Variants in GRID2IP observed in about 807,000 individuals in gnomAD.
GRID2IP encodes delphilin.
Under a neutral mutation model 114.3 loss-of-function variants are expected in GRID2IP, and 78 were observed. That is an observed-to-expected ratio of 0.68 (90% CI 0.57 to 0.82). The LOEUF is 0.82. Ranked by LOEUF, GRID2IP falls within the 40% of genes least tolerant of loss-of-function variation. GRID2IP has a pLI of 0.00. For synonymous variants in GRID2IP, 809 were observed against 724.0 expected (o/e 1.12, Z -1.89); for missense variants, 1,727 against 1,678.5 (o/e 1.03, Z -0.51).
chr7:6,505,915 G>A lies in GRID2IP; in HGVS notation c.2545-8C>T, dbSNP rs1786569180. On this transcript the variant is annotated splice_region_variant and splice_polypyrimidine_tract_variant and intron_variant, in intron 13 of 21. Transcript: ENST00000457091. ...GTCAGAGTCTTCCCCGAGCTGCGAG[G>A]GAGGATGGGAGGTTCAGAGTAGGAG... is the stretch of plus-strand genomic sequence containing the variant. 3 of 1,541,266 alleles carry A rather than the reference G, an allele frequency of 1.9e-6. No homozygotes were observed. The highest frequency in any genetic ancestry group is 4.9e-5 in the East Asian group (2 of 40,858).
chr7:6,544,887 C>T (rs1205964240), intron 1 of GRID2IP, among the ~76,000 whole-genome samples: 1 of 151,808 alleles, frequency 6.6e-6, no homozygotes, highest in African/African-American at 2.4e-5. Context: ...CGAGACCATC[C>T]CAACTGACAC....
In GRID2IP at chr7:6,514,478, G is replaced by C; in HGVS notation, c.1320C>G (p.Ala440=). 1 of 1,549,282 alleles carries C rather than the reference G, an allele frequency of 6.5e-7. No individual in the cohort carries two copies. The highest frequency in any genetic ancestry group is 8.7e-7 in the Non-Finnish European group (1 of 1,146,046). The change falls in exon 8 of 22, where the codon GCC becomes GCG. Residue 440 remains alanine (A), a synonymous_variant. Transcript: ENST00000457091. The stretch of plus-strand genomic sequence containing the variant: ...AGATGAACTGCCACAGGACCTGCTT[G>C]GCAGGGGTGTCCAGCACAGGGTAGA... ...VDVYPVLDTP[A]KQVLWQFIYQ... is the part of the protein sequence containing the mutation.
chr7:6,511,095 C>A, intron 8 of GRID2IP, 56 bp from the exon 9 acceptor site: 2 of 1,337,672 alleles, frequency 1.5e-6, no homozygotes, highest in Non-Finnish European at 9.6e-7. Flanking sequence ...AGACAAGGGA[C>A]CTCCAAAACA....
intron 2 of GRID2IP, among the ~76,000 whole-genome samples, chr7:6,529,861 C>T (rs1024052536): frequency 6.6e-6 from 1 of 152,108 alleles, no homozygotes; most frequent in African/African-American, 2.4e-5. Flanking sequence ...CAGTTCTGTT[C>T]TCTCTGCCAG....
intron 1 of GRID2IP, 87 bp from the exon 2 acceptor site, chr7:6,539,959 T>G (rs1779787601): frequency 1.6e-6 from 2 of 1,287,186 alleles, no homozygotes; most frequent in Admixed American, 4.4e-5. Context: ...CCTCCCTCAG[T>G]TTACCTACAC....
At chr7:6,514,343 G>A (rs1432651376) in intron 8 of GRID2IP, 32 bp downstream of exon 8, 5 of 1,467,186 alleles carry the variant, frequency 3.4e-6, no homozygotes, top group Non-Finnish European at 4.5e-6. Context: ...AGCAGCTGCA[G>A]GCAGGGAAGT....
chr7:6,543,005 G>T (rs1292343053), intron 1 of GRID2IP, among the ~76,000 whole-genome samples: 2 of 152,060 alleles, frequency 1.3e-5, no homozygotes. Flanking sequence ...CTGAACTGGG[G>T]CTGTCAGGCC....
At chr7:6,514,621 C>G (rs1282350330) in intron 7 of GRID2IP, 92 bp from the exon 8 acceptor site, 3 of 1,191,386 alleles carry the variant, frequency 2.5e-6, no homozygotes, top group Non-Finnish European at 3.4e-6. Flanking sequence ...TTCCAAGCCA[C>G]AGCGTCTGCC....
chr7:6,545,427 C>T (rs890470954), intron 1 of GRID2IP, among the ~76,000 whole-genome samples: 9 of 152,196 alleles, frequency 5.9e-5, no homozygotes, highest in African/African-American at 1.9e-4. Flanking sequence ...AGGCTCTCCA[C>T]GACCCAGCTC....
In GRID2IP at chr7:6,551,109, C is replaced by T. The variant is rs1779970446; in HGVS notation, c.328G>A (p.Gly110Ser). The T allele has an allele frequency of 1.5e-6, 2 of 1,297,532 alleles. No homozygotes were observed. Among genetic ancestry groups the T allele is most frequent in the South Asian group, 2.3e-5 (1 of 43,014 alleles). The allele number at this position is 1,297,532 out of a possible 1,614,324, so 80.4% of individuals were successfully genotyped here. The change falls in exon 1 of 22, where the codon GGC (glycine) becomes AGC (serine). Residue 110 changes from glycine (G) to serine (S), a missense_variant. Transcript: ENST00000457091. ...TVLRAPRCGR[G>S]LALGRELLRL... is the part of the protein sequence containing the mutation. Reference sequence around the variant, plus strand: ...AGCAGCTCACGGCCCAGAGCTAGGCCGCGGCCGCACCGCGGGGCCCGCAAG... The same window carrying T: ...AGCAGCTCACGGCCCAGAGCTAGGCTGCGGCCGCACCGCGGGGCCCGCAAG...
rs1427424203 is a variant in GRID2IP, at chr7:6,534,155, G to A, written c.584+5563C>T. On this transcript the variant is annotated intron_variant, in intron 2 of 21. Coordinates refer to ENST00000457091, the MANE Select transcript of GRID2IP (RefSeq NM_001145118.2). This position sits in a 1 kb window ranked among gnomAD's most constrained non-coding sequence, Gnocchi z 4.5. ...ACCAAGCCCGTTTTACAGACAAACT[G>A]TAGATGTCAGTGAACCTGCCTGAGA... Among the ~76,000 whole-genome samples the A allele has an allele frequency of 6.6e-6, 1 of 152,140 alleles. No homozygotes were observed. Among genetic ancestry groups the A allele is most frequent in the Non-Finnish European group, 1.5e-5 (1 of 68,038 alleles).
rs1405807455 is a variant in GRID2IP at position 6,506,317 on chromosome 7, A to G, written c.2545-410T>C. On this transcript the variant is annotated intron_variant, in intron 13 of 21. Coordinates refer to ENST00000457091, the MANE Select transcript of GRID2IP (RefSeq NM_001145118.2). This position sits in a 1 kb window ranked among gnomAD's most constrained non-coding sequence, Gnocchi z 5.2. ...CTGGGCAGAGTGAGCTGGTGCTGAG[A>G]GAACTGCAACTGTGACAGCCTAGGG... Among the ~76,000 whole-genome samples, 5 of 152,166 alleles carry G rather than the reference A, an allele frequency of 3.3e-5. No individual in the cohort carries two copies. In the South Asian group the frequency reaches 1.0e-3, roughly 32 times the overall value.
intron 7 of GRID2IP, among the ~76,000 whole-genome samples, chr7:6,518,629 G>C (rs1050077706): frequency 6.6e-6 from 1 of 151,840 alleles, no homozygotes; most frequent in Non-Finnish European, 1.5e-5. Context: ...CCAGCTACTC[G>C]GGAGGCTGAG....
chr7:6,511,272 G>A (rs1779149657), intron 8 of GRID2IP, among the ~76,000 whole-genome samples: 1 of 151,738 alleles, frequency 6.6e-6, no homozygotes, highest in Admixed American at 6.6e-5. Context: ...CTGAACTCAG[G>A]GGCCTAGCAG....
At chr7:6,505,606 C>T (rs557190211) in intron 14 of GRID2IP, among the ~76,000 whole-genome samples, 16 of 152,260 alleles carry the variant, frequency 1.1e-4, no homozygotes, top group Middle Eastern at 3.4e-3. Context: ...TGAGCTCAGG[C>T]GATCCACCCA....
At position 6,521,127 on chromosome 7, in the gene GRID2IP, C is replaced by G. The variant is rs1005759327; in HGVS notation, c.1084+302G>C. 6.6e-6 allele frequency among the ~76,000 whole-genome samples: 1 copy of G among 152,170 alleles called. No homozygotes were observed. Among genetic ancestry groups the G allele is most frequent in the African/African-American group, 2.4e-5 (1 of 41,448 alleles). The stretch of plus-strand genomic sequence containing the variant: ...CTGGGACTACAGGCACGTGCCATCA[C>G]GCCCAGCTAGTTTTTGTATTTTTAG... On this transcript the variant is annotated intron_variant, in intron 6 of 21. Coordinates refer to ENST00000457091, the MANE Select transcript of GRID2IP (RefSeq NM_001145118.2). This position sits in a 1 kb window ranked among gnomAD's most constrained non-coding sequence, Gnocchi z 4.1.
Position 6,502,820 on chromosome 7 carries a change from T to C in GRID2IP, c.3116A>G (p.Lys1039Arg). 3 of 1,552,054 alleles carry C rather than the reference T, an allele frequency of 1.9e-6. No homozygotes were observed. The highest frequency in any genetic ancestry group is 2.6e-6 in the Non-Finnish European group (3 of 1,147,026). ...AAAGTTGATCTTGAAGCCCGTAGTC[T>C]TGTTGGTTTTGGGCTGTCCATCGTT... ...YLNDGQPKTN[K>R]TTGFKINFLT... Residue 1039 changes from lysine to arginine, a missense_variant, in exon 18 of 22, where the codon AAG (lysine) becomes AGG (arginine). By Grantham distance (26) the Lys-to-Arg change is conservative. Transcript: ENST00000457091.
chr7:6,537,986 G>C (rs1779754834), intron 2 of GRID2IP, among the ~76,000 whole-genome samples: 1 of 152,114 alleles, frequency 6.6e-6, no homozygotes, highest in Non-Finnish European at 1.5e-5. Context: ...GTCTGTCTCT[G>C]GGAAATGGGG....
At position 6,504,864 on chromosome 7, in the gene GRID2IP, A is replaced by C; in HGVS notation, c.2639T>G (p.Val880Gly). The change falls in exon 15 of 22, where the codon GTG becomes GGG. Residue 880 changes from valine to glycine, a missense_variant. Coordinates refer to ENST00000457091, the MANE Select transcript of GRID2IP (RefSeq NM_001145118.2). ...CTTCCGGAAGGGCTCCGGCCCCGGC[A>C]CCGGTTCTGGAAAAGAAACTGACAG... ...HFGTQKPAKP[V>G]PGPEPFRKKE... 3 of 1,551,200 alleles carry C rather than the reference A, an allele frequency of 1.9e-6. No individual in the cohort carries two copies. The highest frequency in any genetic ancestry group is 2.6e-6 in the Non-Finnish European group (3 of 1,146,796).
Sources: gnomAD v4.1 joint callset for allele counts (sites outside exome capture counted in the v4.1 genomes callset) on GRCh38, gnomAD v4.1.1 for gene constraint, Gnocchi (gnomAD v3.1) non-coding constraint, MANE v1.5 for transcripts, NCBI Gene and HGNC (gene_info 2026-07-23, HGNC 2026-07-21) for gene names.